EXOC7: variants seen among roughly 807,000 people sequenced by gnomAD.
EXOC7 encodes exocyst complex component Exo70.
In EXOC7, 51 loss-of-function variants were observed where a neutral mutation model predicts 87.6. The observed-to-expected ratio is 0.58, with a 90% CI of 0.46 to 0.73. EXOC7 has a LOEUF of 0.73. Among genes scored for constraint, EXOC7 ranks in the 30% least tolerant of loss-of-function variants. The probability of loss-of-function intolerance (pLI) is 0.00; values close to 1 mark genes in which losing one functional copy is unlikely to be tolerated. For missense variants in EXOC7, 744 were observed against 888.4 expected (o/e 0.84, Z 2.07); for synonymous variants, 327 against 357.1 (o/e 0.92, Z 0.95).
At position 76,082,273 on chromosome 17, in the gene EXOC7, C is replaced by A; in HGVS notation, c.*1375G>T. The A allele has an allele frequency of 1.3e-6, 1 of 777,062 alleles. No homozygotes were observed. The highest frequency in any genetic ancestry group is 2.0e-6 in the Non-Finnish European group (1 of 500,544). The allele number at this position is 777,062 out of a possible 1,614,324, so 48.1% of individuals were successfully genotyped here. A position where few individuals can be genotyped will look rare whatever the true frequency, so the allele number is the denominator to read the frequency against. On this transcript the variant is annotated 3_prime_UTR_variant, in exon 19 of 19. Transcript: ENST00000589210. The stretch of plus-strand genomic sequence containing the variant: ...AGGTGACCTCAATCCCCTGATAACC[C>A]ATGCCTTGCACAGCCTAAGAGGGTG...
In EXOC7 at chr17:76,085,339, GC is replaced by G. The variant is rs1412821270; in HGVS notation, c.1686del (p.Glu562AspfsTer12). On this transcript the variant is annotated frameshift_variant, in exon 15 of 19. Transcript: ENST00000589210. LOFTEE classifies it high-confidence loss of function. ...CTGCGCTGGTAGGTCTGGATCTGCT[GC>G]TCAATGTGCTCCCGGTAGGAGCGCT... is the stretch of plus-strand genomic sequence containing the variant. ...TAERSYREHI[E>X]QQIQTYQRSW... The G allele has an allele frequency of 6.2e-7, 1 of 1,606,618 alleles. No homozygotes were observed. Among genetic ancestry groups the G allele is most frequent in the Non-Finnish European group, 8.5e-7 (1 of 1,177,276 alleles).
At chr17:76,087,429 G>A (rs1198874815) in intron 12 of EXOC7, 1 of 576,110 alleles carries the variant, frequency 1.7e-6, no homozygotes, top group African/African-American at 1.9e-5. Flanking sequence ...CCAGGGCGAG[G>A]ACGGTCAAAG....
chr17:76,087,949 G>A (rs1377108779), intron 11 of EXOC7, 111 bp downstream of exon 11: 61 of 1,288,392 alleles, frequency 4.7e-5, no homozygotes, highest in Non-Finnish European at 6.1e-5. Context: ...ACAAAGGTGC[G>A]AGCGGCTCTG....
rs765271798 is a variant in EXOC7, at chr17:76,081,281, T to TG, written c.*2366dup. The TG allele has an allele frequency of 1.9e-6, 3 of 1,613,726 alleles. No homozygotes were observed. The highest frequency in any genetic ancestry group is 3.3e-5 in the Admixed American group (2 of 60,010). On this transcript the variant is annotated 3_prime_UTR_variant, in exon 19 of 19. Transcript: ENST00000589210. ...AGTTCTCATTCCCACCCCTCAGCGATGGAGTTAGAGTTCCAGGCCCACGTG... is the reference window on the plus strand; with the variant it reads ...AGTTCTCATTCCCACCCCTCAGCGATGGGAGTTAGAGTTCCAGGCCCACGTG...
Position 76,088,727 on chromosome 17 carries a change from C to T in EXOC7, c.1200+44G>A, listed in dbSNP as rs773310565. 4.9e-5 allele frequency: 79 copies of T among 1,610,152 alleles called. 1 individual carries two copies. The Admixed American group carries it at 8.3e-4, about 17-fold the overall frequency. ...GATGGGGCGGCCACACCCGGCAGCA[C>T]GATGCCTCCTGGCTGTGTTTTTGAG... On this transcript the variant is annotated intron_variant, in intron 9 of 18. Coordinates refer to ENST00000589210, the MANE Select transcript of EXOC7 (RefSeq NM_001013839.4).
intron 4 of EXOC7, among the ~76,000 whole-genome samples, chr17:76,098,758 C>T (rs531678432): frequency 3.3e-5 from 5 of 150,186 alleles, no homozygotes; most frequent in South Asian, 2.1e-4. Flanking sequence ...CCCAGCTACT[C>T]GGGAGGCTGA....
chr17:76,101,000 AC>A (rs11327727), intron 4 of EXOC7: 23,767 of 451,802 alleles, frequency 0.053, 4,143 homozygotes, highest in African/African-American at 0.42. Context: ...AACAACAACA[AC>A]AACAACAAAT....
At chr17:76,085,167 G>A (rs987211377) in intron 15 of EXOC7, 147 bp downstream of exon 15, 41 of 690,768 alleles carry the variant, frequency 5.9e-5, no homozygotes, top group Non-Finnish European at 8.9e-5. Context: ...TCTCCACCCC[G>A]TGAGTTTGAT....
chr17:76,101,476 G>C, intron 3 of EXOC7, 100 bp from the exon 4 acceptor site: 1 of 1,501,850 alleles, frequency 6.7e-7, no homozygotes, highest in Non-Finnish European at 9.0e-7. Context: ...GGGGACTCCA[G>C]GCTCAAATAT....
At chr17:76,088,336 G>A in intron 10 of EXOC7, 128 bp downstream of exon 10, 1 of 1,020,400 alleles carries the variant, frequency 9.8e-7, no homozygotes, top group Non-Finnish European at 1.5e-6. Context: ...GGTGCTGACA[G>A]GCCAGTGGCG....
Position 76,103,363 on chromosome 17 carries a change from T to G in EXOC7, c.124A>C (p.Met42Leu). The change falls in exon 2 of 19, where the codon ATG (methionine) becomes CTG (leucine). Residue 42 changes from methionine to leucine, a missense_variant and splice_region_variant. This residue lies in a region of EXOC7 where 512 missense variants were observed against 573.0 expected (regional missense o/e 0.89). Coordinates refer to ENST00000589210, the MANE Select transcript of EXOC7 (RefSeq NM_001013839.4). ...LEKSDQLTKNMVSILSSFESR... is the reference protein window; with the variant it reads ...LEKSDQLTKNLVSILSSFESR... Reference sequence around the variant, plus strand: ...CCCCCAGCTGCGGGGAGACTCACCATGTTCTTAGTGAGCTGGTCGCTCTTC... The same window carrying G: ...CCCCCAGCTGCGGGGAGACTCACCAGGTTCTTAGTGAGCTGGTCGCTCTTC... 1 of 1,599,668 alleles carries G rather than the reference T, an allele frequency of 6.3e-7. No homozygotes were observed. Among genetic ancestry groups the G allele is most frequent in the Admixed American group, 1.7e-5 (1 of 58,134 alleles).
chr17:76,088,186 C>CCAG (rs2067299782), intron 10 of EXOC7, 64 bp from the exon 11 acceptor site: 11 of 1,536,520 alleles, frequency 7.2e-6, no homozygotes, highest in African/African-American at 1.4e-5. Flanking sequence ...CCCAGTGCAC[C>CCAG]TGCTCATGGT....
rs1567949134 is a variant in EXOC7 at position 76,081,740 on chromosome 17, T to TGCAACC, written c.*1902_*1907dup. Reference sequence around the variant, plus strand: ...GCAGGCCCTGCCCAGCTCCTCCTCCTGCAACCCACTGCTCAGTAAGCCCTG... The same window carrying TGCAACC: ...GCAGGCCCTGCCCAGCTCCTCCTCCTGCAACCGCAACCCACTGCTCAGTAAGCCCTG... On this transcript the variant is annotated 3_prime_UTR_variant, in exon 19 of 19. Transcript: ENST00000589210. The TGCAACC allele has an allele frequency of 6.2e-7, 1 of 1,613,914 alleles. No individual in the cohort carries two copies. The highest frequency in any genetic ancestry group is 8.5e-7 in the Non-Finnish European group (1 of 1,179,978).
rs193229642 is a variant in EXOC7, at chr17:76,097,563, G to C, written c.640+233C>G. On this transcript the variant is annotated intron_variant, in intron 5 of 18. Transcript: ENST00000589210. ...TACTAACAATACAAAACTTAGCCAG[G>C]CATGGTGGCATGCGCCAGTAATCCC... Among the ~76,000 whole-genome samples, 10 of 152,076 alleles carry C rather than the reference G, an allele frequency of 6.6e-5. No individual in the cohort carries two copies. In the East Asian group the frequency reaches 1.9e-3, roughly 29 times the overall value.
Position 76,082,951 on chromosome 17 carries a change from AACCAC to A in EXOC7, c.*692_*696del. On this transcript the variant is annotated 3_prime_UTR_variant, in exon 19 of 19. Transcript: ENST00000589210. ...CAGGCAGCCTAATTGCTCCTTCTGC[AACCAC>A]GACTGCCTGGCCCTGGGCCAAGAGG... 3.7e-6 allele frequency: 1 copy of A among 268,370 alleles called. No homozygotes were observed. Among genetic ancestry groups the A allele is most frequent in the Non-Finnish European group, 7.0e-6 (1 of 142,490 alleles). 16.6% of individuals were successfully genotyped at this position (268,370 alleles called of 1,614,324 possible).
intron 8 of EXOC7, 67 bp from the exon 9 acceptor site, chr17:76,088,990 G>A: frequency 5.8e-6 from 9 of 1,542,872 alleles, no homozygotes; most frequent in Non-Finnish European, 8.0e-6. Flanking sequence ...GCTAGTGGGG[G>A]ATCCTTGCAG....
chr17:76,088,262 A>T (rs2067303446), intron 10 of EXOC7, 140 bp from the exon 11 acceptor site: 1 of 1,006,774 alleles, frequency 9.9e-7, no homozygotes, highest in Admixed American at 2.1e-5. Flanking sequence ...GGCTGGACCA[A>T]GGGGGAGAGG....
chr17:76,086,014 CAGAA>C (rs1252228050), intron 13 of EXOC7, 62 bp downstream of exon 13: 1 of 1,584,624 alleles, frequency 6.3e-7, no homozygotes, highest in Non-Finnish European at 8.6e-7. Flanking sequence ...AGAGCACAGA[CAGAA>C]GGAAGGGAAA....
At position 76,103,729 on chromosome 17, in the gene EXOC7, T is replaced by C; in HGVS notation, c.-37A>G. The stretch of plus-strand genomic sequence containing the variant: ...CCGCGGCTCCCACTCCCCAGTATCT[T>C]TCCTCCGCGGGCCCACCGGGCCCCC... On this transcript the variant is annotated 5_prime_UTR_variant, in exon 1 of 19. Coordinates refer to ENST00000589210, the MANE Select transcript of EXOC7 (RefSeq NM_001013839.4). 1 of 1,572,582 alleles carries C rather than the reference T, an allele frequency of 6.4e-7. No homozygotes were observed. The highest frequency in any genetic ancestry group is 8.6e-7 in the Non-Finnish European group (1 of 1,160,110).
Sources: gnomAD v4.1 joint callset for allele counts (sites outside exome capture counted in the v4.1 genomes callset) on GRCh38, gnomAD v4.1.1 for gene constraint, gnomAD v4.1.1 regional missense constraint, MANE v1.5 for transcripts, NCBI Gene and HGNC (gene_info 2026-07-23, HGNC 2026-07-21) for gene names.